Variants in PCNX1 observed in about 807,000 individuals in gnomAD.
PCNX1 encodes the protein pecanex 1, also known as pecanex-like protein 1.
Under a neutral mutation model 242.2 loss-of-function variants are expected in PCNX1, and 78 were observed. That is an observed-to-expected ratio of 0.32 (90% CI 0.27 to 0.39). PCNX1 has a LOEUF of 0.39. PCNX1 is among the 10% of genes least tolerant of loss of function. PCNX1 has a pLI of 1.00. For missense variants in PCNX1, 2,581 were observed against 2,856.5 expected (o/e 0.90, Z 2.20); for synonymous variants, 1,024 against 1,032.9 (o/e 0.99, Z 0.17).
intron 26 of PCNX1, among the ~76,000 whole-genome samples, chr14:71,058,018 C>G (rs1257704652): frequency 1.3e-5 from 2 of 152,156 alleles, no homozygotes; most frequent in African/African-American, 4.8e-5. Flanking sequence ...TTGCTGGTCC[C>G]TTTTGTGACC....
intron 1 of PCNX1, among the ~76,000 whole-genome samples, chr14:70,924,171 A>T (rs548762197): frequency 6.7e-6 from 1 of 149,228 alleles, no homozygotes; most frequent in Non-Finnish European, 1.5e-5. Flanking sequence ...GGTCAAGACT[A>T]TAGTGAGCCG....
At chr14:70,988,729 G>A (rs2059071068) in intron 7 of PCNX1, 30 bp downstream of exon 7, 1 of 1,601,978 alleles carries the variant, frequency 6.2e-7, no homozygotes, top group Non-Finnish European at 8.5e-7. Context: ...ACCAAGTTTA[G>A]CATGCATGTA....
At chr14:71,014,958 T>C (rs1219923791) in intron 11 of PCNX1, among the ~76,000 whole-genome samples, 1 of 151,916 alleles carries the variant, frequency 6.6e-6, no homozygotes, top group Non-Finnish European at 1.5e-5. Flanking sequence ...TTGTTAAAAT[T>C]GCAAAAGAAA....
chr14:70,968,460 T>C (rs2058446534), intron 4 of PCNX1, among the ~76,000 whole-genome samples: 1 of 152,222 alleles, frequency 6.6e-6, no homozygotes, highest in South Asian at 2.1e-4. Flanking sequence ...TTACATTACA[T>C]TGCGTGAATT....
intron 30 of PCNX1, among the ~76,000 whole-genome samples, chr14:71,099,228 G>A (rs983527539): frequency 2.7e-5 from 4 of 148,116 alleles, no homozygotes; most frequent in African/African-American, 7.5e-5. Flanking sequence ...GCGTGATCTC[G>A]GCTCACTGCA....
chr14:71,026,258 G>T lies in PCNX1; in HGVS notation c.3325G>T (p.Val1109Leu). ...LYGITFTNPLVFISARDLVIV... is the reference protein window; with the variant it reads ...LYGITFTNPLLFISARDLVIV... ...TGGAATAACTTTCACCAATCCACTG[G>T]TGTTTATATCAGCCAGGGATTTAGT... Residue 1109 changes from valine to leucine, a missense_variant, in exon 14 of 36, where the codon GTG becomes TTG. Physicochemically the swap from Val to Leu is conservative, Grantham distance 32. This residue lies in a region of PCNX1 where 432 missense variants were observed against 443.1 expected (regional missense o/e 0.97). Coordinates refer to ENST00000304743, the MANE Select transcript of PCNX1 (RefSeq NM_014982.3). The T allele has an allele frequency of 6.2e-7, 1 of 1,607,514 alleles. No individual in the cohort carries two copies. Among genetic ancestry groups the T allele is most frequent in the Non-Finnish European group, 8.5e-7 (1 of 1,176,546 alleles).
At chr14:70,991,451 G>A (rs756835083) in intron 7 of PCNX1, among the ~76,000 whole-genome samples, 1 of 152,030 alleles carries the variant, frequency 6.6e-6, no homozygotes, top group African/African-American at 2.4e-5. Context: ...TGATCCACCC[G>A]CCTTGGCCTT....
chr14:71,041,391 T>C (rs1388742750), intron 19 of PCNX1, among the ~76,000 whole-genome samples: 1 of 152,188 alleles, frequency 6.6e-6, no homozygotes. Flanking sequence ...GTTATTGGTC[T>C]GTTCAGCTTT....
At chr14:70,921,547 G>A (rs2056375320) in intron 1 of PCNX1, among the ~76,000 whole-genome samples, 1 of 152,078 alleles carries the variant, frequency 6.6e-6, no homozygotes, top group African/African-American at 2.4e-5. Context: ...ACAAAAATAT[G>A]CTTTGTTACC....
intron 9 of PCNX1, 81 bp from the exon 10 acceptor site, chr14:71,011,411 A>G (rs2140549736): frequency 2.5e-6 from 2 of 795,882 alleles, no homozygotes; most frequent in South Asian, 3.0e-5. Flanking sequence ...AAGTGAAGAT[A>G]TGTGAATCTC....
intron 30 of PCNX1, 24 bp from the exon 31 acceptor site, chr14:71,101,966 T>A (rs34093157): frequency 0.35 from 462,718 of 1,328,736 alleles, 83,736 homozygotes; most frequent in East Asian, 0.62. Context: ...CCTTTAAAAA[T>A]TTATATATTA....
chr14:70,965,217 C>G (rs1315837071), intron 3 of PCNX1: 1 of 152,168 alleles, frequency 6.6e-6, no homozygotes, highest in Non-Finnish European at 1.5e-5. Context: ...CCTTCTCTTT[C>G]CTTTTGTCAC....
intron 1 of PCNX1, among the ~76,000 whole-genome samples, chr14:70,919,430 T>A (rs1012756176): frequency 6.6e-6 from 1 of 152,130 alleles, no homozygotes; most frequent in East Asian, 1.9e-4. Flanking sequence ...TGCCTCCTTC[T>A]GTTATCTGAG....
Position 71,012,984 on chromosome 14 carries a change from G to C in PCNX1, c.2779-1G>C. ...GCCTTTCAATGCTGACTTTCTTTTA[G>C]CTCTCTCTCCCACAGATTCGATTGA... On this transcript the variant is annotated splice_acceptor_variant, in intron 10 of 35. Coordinates refer to ENST00000304743, the MANE Select transcript of PCNX1 (RefSeq NM_014982.3). LOFTEE classifies it high-confidence loss of function. 6.2e-7 allele frequency: 1 copy of C among 1,605,600 alleles called. No homozygotes were observed. The highest frequency in any genetic ancestry group is 8.5e-7 in the Non-Finnish European group (1 of 1,172,396).
At chr14:70,987,711 A>G in intron 6 of PCNX1, among the ~76,000 whole-genome samples, 1 of 152,322 alleles carries the variant, frequency 6.6e-6, no homozygotes. Context: ...CAAATCGGTC[A>G]ATTTTTGTGG....
In PCNX1 at chr14:71,019,429, G is replaced by A. The variant is rs552328839; in HGVS notation, c.3150+267G>A. On this transcript the variant is annotated intron_variant, in intron 12 of 35. Coordinates refer to ENST00000304743, the MANE Select transcript of PCNX1 (RefSeq NM_014982.3). Reference sequence around the variant, plus strand: ...TTTTATTTTGTTTTTTGGAGATGGAGTATTGCTCTGTTGCCCAGGCTGCAG... The same window carrying A: ...TTTTATTTTGTTTTTTGGAGATGGAATATTGCTCTGTTGCCCAGGCTGCAG... Among the ~76,000 whole-genome samples the A allele has an allele frequency of 3.9e-4, 59 of 152,268 alleles. 1 individual carries two copies. Among genetic ancestry groups the A allele is most frequent in the Middle Eastern group, 3.4e-3 (1 of 294 alleles).
chr14:70,932,263 G>A (rs1027753096), intron 1 of PCNX1, among the ~76,000 whole-genome samples: 16 of 152,180 alleles, frequency 1.1e-4, no homozygotes, highest in African/African-American at 4.8e-5. Context: ...GACAGCTTCC[G>A]GGGAGAGACA....
At chr14:71,077,755 G>C (rs188213895) in intron 28 of PCNX1, among the ~76,000 whole-genome samples, 1 of 152,260 alleles carries the variant, frequency 6.6e-6, no homozygotes, top group East Asian at 1.9e-4. Context: ...ATAATAAATA[G>C]TTTTATTTTT....
chr14:70,979,164 A>G (rs1447479370), intron 6 of PCNX1, among the ~76,000 whole-genome samples: 1 of 151,928 alleles, frequency 6.6e-6, no homozygotes, highest in East Asian at 1.9e-4. Context: ...CTTTGGTTTT[A>G]TTTCTTGCTT....
Sources: gnomAD v4.1 joint callset for allele counts (sites outside exome capture counted in the v4.1 genomes callset) on GRCh38, gnomAD v4.1.1 for gene constraint, gnomAD v4.1.1 regional missense constraint, MANE v1.5 for transcripts, NCBI Gene and HGNC (gene_info 2026-07-23, HGNC 2026-07-21) for gene names.